The following STYXL1 variants were observed in gnomAD, a reference collection of about 807,000 sequenced individuals.
The protein encoded by STYXL1 is serine/threonine/tyrosine interacting like 1.
Under a neutral mutation model 36.4 loss-of-function variants are expected in STYXL1, and 32 were observed. The ratio of observed to expected loss-of-function variants is 0.88; its 90% CI spans 0.66 to 1.18. The LOEUF (loss-of-function observed/expected upper bound fraction) is 1.18, where lower values mean the gene tolerates loss of function less well. Ranked by LOEUF, STYXL1 falls within the 50% of genes most tolerant of loss-of-function variation. STYXL1 has a pLI of 0.00. For synonymous variants in STYXL1, 133 were observed against 144.1 expected, an observed-to-expected ratio of 0.92 and a Z score of 0.55; for missense variants, 354 against 394.1, an observed-to-expected ratio of 0.90 and a Z score of 0.86.
intron 3 of STYXL1, 143 bp from the exon 4 acceptor site, chr7:76,022,135 A>C (rs1165855398): frequency 6.9e-7 from 1 of 1,451,740 alleles, no homozygotes; most frequent in Non-Finnish European, 9.0e-7. Flanking sequence ...AGAAGCACTG[A>C]GACAGTGGAT....
intron 3 of STYXL1, among the ~76,000 whole-genome samples, chr7:76,024,638 AAAAAC>A (rs369856569): frequency 0.04 from 1,617 of 40,000 alleles, 28 homozygotes; most frequent in African/African-American, 0.06. Flanking sequence ...ACAAAACAAA[AAAAAC>A]AAAACAAAAA....
intron 5 of STYXL1, among the ~76,000 whole-genome samples, chr7:76,009,443 A>G (rs571019578): frequency 3.3e-5 from 5 of 151,634 alleles, no homozygotes; most frequent in South Asian, 4.2e-4. Flanking sequence ...ATGGAGTCTC[A>G]CTCTGTCACC....
At chr7:76,036,614 T>C (rs1554580741) in intron 1 of STYXL1, among the ~76,000 whole-genome samples, 1 of 148,198 alleles carries the variant, frequency 6.7e-6, no homozygotes, top group Non-Finnish European at 1.5e-5. Context: ...TTTGATTAAA[T>C]TTATTTATCC....
intron 4 of STYXL1, among the ~76,000 whole-genome samples, chr7:76,018,542 C>T (rs1390606423): frequency 6.6e-6 from 1 of 152,180 alleles, no homozygotes; most frequent in Non-Finnish European, 1.5e-5. Flanking sequence ...AGGCACATGC[C>T]ACCACGCCCA....
rs79051999 is a variant in STYXL1, at chr7:76,019,740, G to A, written c.307+2111C>T. 4.3e-3 allele frequency among the ~76,000 whole-genome samples: 655 copies of A among 152,178 alleles called. 4 individuals carry two copies. The highest frequency in any genetic ancestry group is 9.9e-3 in the East Asian group (51 of 5,156). On this transcript the variant is annotated intron_variant, in intron 4 of 8. Coordinates refer to ENST00000359697, the MANE Select transcript of STYXL1 (RefSeq NM_001317785.2). The stretch of plus-strand genomic sequence containing the variant: ...AATCTGGAATCTGCAGCCAGGCTGA[G>A]AGAGAATCTGCAGCTCTCAAGACAG...
chr7:76,005,190 A>T, intron 6 of STYXL1, 69 bp downstream of exon 6: 1 of 967,470 alleles, frequency 1.0e-6, no homozygotes, highest in Non-Finnish European at 1.3e-6. Flanking sequence ...AAAAAAAATA[A>T]ATAAAATAAA....
chr7:76,021,791 A>G (rs1794105462), intron 4 of STYXL1, 60 bp downstream of exon 4: 3 of 1,280,022 alleles, frequency 2.3e-6, no homozygotes, highest in South Asian at 2.4e-5. Flanking sequence ...TGTTGGTCCT[A>G]TAACAAATTT....
At position 76,046,274 on chromosome 7, in the gene STYXL1, CTGTGTGTG is replaced by C. The variant is rs782245806; in HGVS notation, c.-5+1380_-5+1387del. The stretch of plus-strand genomic sequence containing the variant: ...CTTCCAGCATGTCTCAGCTTATCTG[CTGTGTGTG>C]TGTGTGTGTGTGTGTGTGTGTGTGT... On this transcript the variant is annotated intron_variant, in intron 1 of 8. Coordinates refer to ENST00000359697, the MANE Select transcript of STYXL1 (RefSeq NM_001317785.2). Among the ~76,000 whole-genome samples, 214 of 103,072 alleles carry C rather than the reference CTGTGTGTG, an allele frequency of 2.1e-3. 3 individuals are homozygous for C. The highest frequency in any genetic ancestry group is 6.3e-3 in the African/African-American group (143 of 22,836). 67.6% of individuals were successfully genotyped at this position (103,072 alleles called of 152,430 possible).
chr7:76,030,325 A>G lies in STYXL1; in HGVS notation c.103+96T>C, dbSNP rs1355297839. The G allele has an allele frequency of 1.3e-5, 11 of 855,882 alleles. 1 individual carries two copies. Among genetic ancestry groups the G allele is most frequent in the Admixed American group, 1.0e-4 (5 of 49,700 alleles). 53.0% of individuals were successfully genotyped at this position (855,882 alleles called of 1,614,324 possible). ...AGGGATCCCTGTTCTAAAGTCATTC[A>G]CTGCCCCCCACCCCGCCAAAAGTTT... On this transcript the variant is annotated intron_variant, in intron 2 of 8. Coordinates refer to ENST00000359697, the MANE Select transcript of STYXL1 (RefSeq NM_001317785.2).
At chr7:76,007,223 T>C (rs1563470695) in intron 5 of STYXL1, among the ~76,000 whole-genome samples, 1 of 152,060 alleles carries the variant, frequency 6.6e-6, no homozygotes, top group Non-Finnish European at 1.5e-5. Context: ...GGTGAGGAGC[T>C]TGAGACCAAC....
rs1386579415 is a variant in STYXL1 at position 76,047,990 on chromosome 7, C to T, written c.-333G>A. On this transcript the variant is annotated 5_prime_UTR_variant, in exon 1 of 9. Transcript: ENST00000359697. ...ATGGTCCCACAGCTTTCCTTTCCGA[C>T]TCCCGGAAGTGGCCGTGATCTCACG... is the stretch of plus-strand genomic sequence containing the variant. 16 of 1,489,934 alleles carry T rather than the reference C, an allele frequency of 1.1e-5. No individual in the cohort carries two copies. The highest frequency in any genetic ancestry group is 1.4e-5 in the Non-Finnish European group (16 of 1,120,696). 92.3% of individuals were successfully genotyped at this position (1,489,934 alleles called of 1,614,324 possible). A position where few individuals can be genotyped will look rare whatever the true frequency, so the allele number is the denominator to read the frequency against.
At chr7:76,028,786 G>A (rs782481646) in intron 2 of STYXL1, 83 bp from the exon 3 acceptor site, 27 of 1,266,530 alleles carry the variant, frequency 2.1e-5, no homozygotes, top group South Asian at 4.9e-5. Context: ...CGTCATCAAC[G>A]TCTATTTGTT....
chr7:76,026,862 C>A (rs1794774126), intron 3 of STYXL1, among the ~76,000 whole-genome samples: 1 of 152,156 alleles, frequency 6.6e-6, no homozygotes, highest in African/African-American at 2.4e-5. Context: ...GCCTGGCCAA[C>A]ATGGTGAAAC....
intron 1 of STYXL1, among the ~76,000 whole-genome samples, chr7:76,031,641 G>C (rs567580627): frequency 6.6e-6 from 1 of 151,752 alleles, no homozygotes; most frequent in Non-Finnish European, 1.5e-5. Context: ...CTTGAACCCG[G>C]GAGGCGGAGG....
At chr7:76,009,453 C>T (rs887462814) in intron 5 of STYXL1, among the ~76,000 whole-genome samples, 35 of 152,100 alleles carry the variant, frequency 2.3e-4, no homozygotes, top group African/African-American at 8.5e-4. Context: ...ACTCTGTCAC[C>T]CAGGCTGGAG....
Position 75,996,493 on chromosome 7 carries a change from G to T in STYXL1, c.917C>A (p.Thr306Lys). 1 of 1,614,236 alleles carries T rather than the reference G, an allele frequency of 6.2e-7. No individual in the cohort carries two copies. Among genetic ancestry groups the T allele is most frequent in the Non-Finnish European group, 8.5e-7 (1 of 1,180,038 alleles). ...WEKTILGDSI[T>K]NIMDPLY ...TCAGTAGAGCGGATCCATGATGTTT[G>T]TGATGGAATCTCCAAGGATAGTCTT... is the stretch of plus-strand genomic sequence containing the variant. The change falls in exon 9 of 9, where the codon ACA (threonine) becomes AAA (lysine). Residue 306 changes from threonine to lysine, a missense_variant. Coordinates refer to ENST00000359697, the MANE Select transcript of STYXL1 (RefSeq NM_001317785.2).
intron 5 of STYXL1, among the ~76,000 whole-genome samples, chr7:76,011,736 G>A (rs569154715): frequency 1.3e-5 from 2 of 152,322 alleles, no homozygotes; most frequent in East Asian, 3.9e-4. Context: ...GCTAGCCTTA[G>A]ACAACTCCAC....
chr7:76,004,141 T>C (rs1791342124), intron 6 of STYXL1, among the ~76,000 whole-genome samples: 1 of 152,112 alleles, frequency 6.6e-6, no homozygotes, highest in African/African-American at 2.4e-5. Flanking sequence ...TTGCCCAGGC[T>C]GGAGTGCAGT....
intron 6 of STYXL1, among the ~76,000 whole-genome samples, chr7:76,004,728 G>A (rs984096126): frequency 8.2e-5 from 12 of 145,652 alleles, no homozygotes; most frequent in African/African-American, 2.6e-4. Flanking sequence ...TAGGCCAGGC[G>A]CGGTGGCTCA....
Sources: allele counts gnomAD v4.1 joint callset (sites outside exome capture counted in the v4.1 genomes callset), GRCh38; gene constraint gnomAD v4.1.1; transcripts MANE v1.5; gene names NCBI Gene and HGNC (gene_info 2026-07-23, HGNC 2026-07-21).